HELQ: variants seen among roughly 807,000 people sequenced by gnomAD.
The protein encoded by HELQ is helicase, POLQ like.
In HELQ, 77 loss-of-function variants were observed where a neutral mutation model predicts 111.6. That is an observed-to-expected ratio of 0.69 (90% CI 0.57 to 0.83). The LOEUF (loss-of-function observed/expected upper bound fraction) is 0.83. Ranked by LOEUF, HELQ falls within the 40% of genes least tolerant of loss-of-function variation. HELQ has a pLI of 0.00. For missense variants in HELQ, 1,200 were observed against 1,288.5 expected (o/e 0.93, Z 1.05); for synonymous variants, 438 against 454.7 (o/e 0.96, Z 0.47).
At chr4:83,438,645 G>A (rs1720589393) in intron 8 of HELQ, among the ~76,000 whole-genome samples, 1 of 151,334 alleles carries the variant, frequency 6.6e-6, no homozygotes, top group Non-Finnish European at 1.5e-5. Context: ...GGGAGGCTGA[G>A]GTAGGAGGAT....
intron 2 of HELQ, 184 bp downstream of exon 2, chr4:83,453,047 A>T: frequency 1.9e-6 from 1 of 529,712 alleles, no homozygotes; most frequent in East Asian, 3.1e-5. Flanking sequence ...TGTGACTGTG[A>T]GGGAAGGAAA....
chr4:83,416,864 C>T lies in HELQ; in HGVS notation c.3065G>A (p.Gly1022Asp), dbSNP rs1739391602. 6.3e-7 allele frequency: 1 copy of T among 1,591,920 alleles called. No individual in the cohort carries two copies. Among genetic ancestry groups the T allele is most frequent in the Non-Finnish European group, 8.5e-7 (1 of 1,172,562 alleles). The change falls in exon 17 of 18, where the codon GGT becomes GAT. Residue 1022 changes from glycine to aspartate, a missense_variant and splice_region_variant. Gly to Asp is a moderately conservative substitution (Grantham distance 94). Around this residue, in one of 3 missense-constraint regions of HELQ, gnomAD observed 585 missense variants for 665.3 expected, o/e 0.88. Coordinates refer to ENST00000295488, the MANE Select transcript of HELQ (RefSeq NM_133636.5). Reference sequence around the variant, plus strand: ...TGCACTGTATAACTGTTTTGCTCGACCCTGAAAAGTGTTACAAAAATCAGT... The same window carrying T: ...TGCACTGTATAACTGTTTTGCTCGATCCTGAAAAGTGTTACAAAAATCAGT... ...PLMEVTGVLEGRAKQLYSAGY... is the reference protein window; with the variant it reads ...PLMEVTGVLEDRAKQLYSAGY...
chr4:83,416,032 C>T (rs545340454), intron 17 of HELQ, among the ~76,000 whole-genome samples: 17 of 151,560 alleles, frequency 1.1e-4, no homozygotes, highest in South Asian at 6.3e-4. Context: ...CTGCCATCTC[C>T]GTCTCCTGGG....
At chr4:83,433,331 G>A (rs890490976) in intron 9 of HELQ, among the ~76,000 whole-genome samples, 2 of 152,084 alleles carry the variant, frequency 1.3e-5, no homozygotes, top group African/African-American at 4.8e-5. Context: ...ATCCTAATTA[G>A]CATTAACAGA....
intron 8 of HELQ, among the ~76,000 whole-genome samples, chr4:83,437,469 G>A (rs930545919): frequency 1.8e-4 from 28 of 151,870 alleles, no homozygotes; most frequent in African/African-American, 6.5e-4. Flanking sequence ...AAAATTAGCC[G>A]GGCATGGTGG....
In HELQ at chr4:83,437,177, C is replaced by T. The variant is rs1234386041; in HGVS notation, c.1809-80G>A. The stretch of plus-strand genomic sequence containing the variant: ...TCTACCATTTTCATTTTAGTAGATG[C>T]TAATGTAAACATTCTTTAATGTACT... On this transcript the variant is annotated intron_variant, in intron 8 of 17. Coordinates refer to ENST00000295488, the MANE Select transcript of HELQ (RefSeq NM_133636.5). 7 of 1,288,214 alleles carry T rather than the reference C, an allele frequency of 5.4e-6. No homozygotes were observed. In the Admixed American group the frequency reaches 8.4e-5, roughly 15 times the overall value. The allele number at this position is 1,288,214 out of a possible 1,614,324, so 79.8% of individuals were successfully genotyped here. A position where few individuals can be genotyped will look rare whatever the true frequency, so the allele number is the denominator to read the frequency against.
At chr4:83,425,280 A>C (rs944016454) in intron 14 of HELQ, among the ~76,000 whole-genome samples, 10 of 86,546 alleles carry the variant, frequency 1.2e-4, no homozygotes, top group African/African-American at 2.4e-4. Context: ...ACTGCACCTC[A>C]AAAAAAAAAA....
At chr4:83,415,248 G>A (rs1739299756) in intron 17 of HELQ, among the ~76,000 whole-genome samples, 1 of 152,078 alleles carries the variant, frequency 6.6e-6, no homozygotes, top group African/African-American at 2.4e-5. Flanking sequence ...ACAGTGAATG[G>A]CCTAAAACTT....
chr4:83,429,249 C>G (rs956710389), intron 12 of HELQ, among the ~76,000 whole-genome samples: 2 of 152,164 alleles, frequency 1.3e-5, no homozygotes, highest in African/African-American at 2.4e-5. Flanking sequence ...CAGGTTCAAA[C>G]AATTCCTGTG....
chr4:83,429,634 A>C lies in HELQ; in HGVS notation c.2408T>G (p.Leu803Arg), dbSNP rs781742056. 4 of 1,612,644 alleles carry C rather than the reference A, an allele frequency of 2.5e-6. No homozygotes were observed. Among genetic ancestry groups the C allele is most frequent in the Admixed American group, 3.3e-5 (2 of 59,982 alleles). The change falls in exon 12 of 18, where the codon CTT becomes CGT. Residue 803 changes from leucine to arginine, a missense_variant. Physicochemically the swap from Leu to Arg is moderately radical, Grantham distance 102. This residue lies in a region of HELQ where 585 missense variants were observed against 665.3 expected (regional missense o/e 0.88). Coordinates refer to ENST00000295488, the MANE Select transcript of HELQ (RefSeq NM_133636.5). ...KSLWEITVES[L>R]RYLTEKGLLQ... ...GAGTCCTTTTTCTGTCAGGTATCTA[A>C]GTGATTCAACAGTTATTTCCCAGAG...
Position 83,431,767 on chromosome 4 carries a change from A to G in HELQ, c.2192T>C (p.Val731Ala). The part of the protein sequence containing the change: ...LILQEKDKQQ[V>A]LELITKPLEN... ...CAATGGTTTAGTTATTAACTCCAAT[A>G]CCTATAAAGGTTAAAGCAAAACCAT... Residue 731 changes from valine (V) to alanine (A), a missense_variant and splice_region_variant, in exon 11 of 18, where the codon GTA becomes GCA. This residue lies in a region of HELQ where 585 missense variants were observed against 665.3 expected (regional missense o/e 0.88). Coordinates refer to ENST00000295488, the MANE Select transcript of HELQ (RefSeq NM_133636.5). 7.1e-7 allele frequency: 1 copy of G among 1,413,148 alleles called. No homozygotes were observed. The highest frequency in any genetic ancestry group is 9.6e-7 in the Non-Finnish European group (1 of 1,046,022). 87.5% of individuals were successfully genotyped at this position (1,413,148 alleles called of 1,614,324 possible).
At chr4:83,446,717 T>G in intron 4 of HELQ, 118 bp downstream of exon 4, 1 of 621,226 alleles carries the variant, frequency 1.6e-6, no homozygotes, top group South Asian at 2.5e-5. Context: ...TGTCTATATT[T>G]TCAAATAAAT....
chr4:83,453,496 G>A lies in HELQ; in HGVS notation c.747C>T (p.Ser249=). The change falls in exon 2 of 18, where the codon TCC becomes TCT. Residue 249 remains serine (S), a synonymous_variant. Coordinates refer to ENST00000295488, the MANE Select transcript of HELQ (RefSeq NM_133636.5). ...CIEQPQQNDE[S]SSKVRTSSDM... is the part of the protein sequence containing the mutation. The stretch of plus-strand genomic sequence containing the variant: ...CTGAACTAGTTCTGACTTTGGAAGA[G>A]GACTCATCATTTTGCTGGGGTTGCT... 6.2e-7 allele frequency: 1 copy of A among 1,613,586 alleles called. No individual in the cohort carries two copies. Among genetic ancestry groups the A allele is most frequent in the Non-Finnish European group, 8.5e-7 (1 of 1,179,884 alleles).
intron 14 of HELQ, among the ~76,000 whole-genome samples, chr4:83,424,250 A>G (rs913542555): frequency 5.3e-5 from 8 of 152,306 alleles, no homozygotes; most frequent in African/African-American, 1.9e-4. Context: ...ATTATTTGAT[A>G]ATTAGTTCCA....
intron 17 of HELQ, among the ~76,000 whole-genome samples, chr4:83,410,628 G>A (rs150804280): frequency 5.7e-4 from 87 of 152,278 alleles, no homozygotes; most frequent in African/African-American, 2.0e-3. Context: ...GATTAGTGTG[G>A]CAAATTAAAG....
At chr4:83,450,652 C>T (rs1207424327) in intron 2 of HELQ, among the ~76,000 whole-genome samples, 3 of 142,260 alleles carry the variant, frequency 2.1e-5, no homozygotes, top group Admixed American at 6.9e-5. Context: ...TTTATGAATA[C>T]AATCTTCACA....
At position 83,416,842 on chromosome 4, in the gene HELQ, A is replaced by T. The variant is rs752272081; in HGVS notation, c.3087T>A (p.Ser1029Arg). The change falls in exon 17 of 18, where the codon AGT (serine) becomes AGA (arginine). Residue 1029 changes from serine to arginine, a missense_variant. By Grantham distance (110) the Ser-to-Arg change is moderately radical. Around this residue, in one of 3 missense-constraint regions of HELQ, gnomAD observed 585 missense variants for 665.3 expected, o/e 0.88. Coordinates refer to ENST00000295488, the MANE Select transcript of HELQ (RefSeq NM_133636.5). ...VLEGRAKQLYSAGYKSLMHLA... is the reference protein window; with the variant it reads ...VLEGRAKQLYRAGYKSLMHLA... Reference sequence around the variant, plus strand: ...AGTGCATTAGACTTTTGTAACCTGCACTGTATAACTGTTTTGCTCGACCCT... The same window carrying T: ...AGTGCATTAGACTTTTGTAACCTGCTCTGTATAACTGTTTTGCTCGACCCT... 14 of 1,609,420 alleles carry T rather than the reference A, an allele frequency of 8.7e-6. No homozygotes were observed. The highest frequency in any genetic ancestry group is 1.2e-5 in the Non-Finnish European group (14 of 1,178,474).
intron 9 of HELQ, among the ~76,000 whole-genome samples, chr4:83,433,064 A>G (rs1236529831): frequency 6.6e-6 from 1 of 151,930 alleles, no homozygotes; most frequent in Non-Finnish European, 1.5e-5. Flanking sequence ...CATCTCTTAA[A>G]AAAAAAAAGC....
At chr4:83,431,830 T>G in intron 10 of HELQ, 62 bp from the exon 11 acceptor site, 1 of 672,400 alleles carries the variant, frequency 1.5e-6, no homozygotes, top group Non-Finnish European at 2.2e-6. Flanking sequence ...GTATTTAATA[T>G]AAATATTTTA....
Sources: gnomAD v4.1 joint callset for allele counts (sites outside exome capture counted in the v4.1 genomes callset) on GRCh38, gnomAD v4.1.1 for gene constraint, gnomAD v4.1.1 regional missense constraint, MANE v1.5 for transcripts, NCBI Gene and HGNC (gene_info 2026-07-23, HGNC 2026-07-21) for gene names.